GRAMD2B: variants seen among roughly 807,000 people sequenced by gnomAD.
GRAMD2B encodes GRAM domain containing 2B, also known as GRAM domain-containing protein 2B.
In GRAMD2B, 41 loss-of-function variants were observed where a neutral mutation model predicts 59.2. The ratio of observed to expected loss-of-function variants is 0.69; its 90% CI spans 0.54 to 0.90. GRAMD2B has a LOEUF of 0.90. Ranked by LOEUF, GRAMD2B falls within the 40% of genes least tolerant of loss-of-function variation. The pLI is 0.00. For missense variants in GRAMD2B, 424 were observed against 500.5 expected (o/e 0.85, Z 1.46); for synonymous variants, 161 against 182.7 (o/e 0.88, Z 0.96).
intron 1 of GRAMD2B, among the ~76,000 whole-genome samples, chr5:126,397,907 T>G (rs1266190276): frequency 1.3e-5 from 2 of 152,154 alleles, no homozygotes; most frequent in Admixed American, 1.3e-4. Context: ...GTGTTCCCTC[T>G]TCTATTTTTT....
intron 1 of GRAMD2B, among the ~76,000 whole-genome samples, chr5:126,435,299 CTGTTT>C (rs1762227456): frequency 6.6e-6 from 1 of 152,146 alleles, no homozygotes; most frequent in Non-Finnish European, 1.5e-5. Context: ...ATTAGAGGCG[CTGTTT>C]GAAGCGAGGT....
intron 5 of GRAMD2B, among the ~76,000 whole-genome samples, chr5:126,474,408 CA>C (rs1473366353): frequency 4.3e-4 from 66 of 152,276 alleles, no homozygotes; most frequent in African/African-American, 1.5e-3. Context: ...TTAGGTAAAA[CA>C]TATTCTTTTT....
upstream of GRAMD2B, among the ~76,000 whole-genome samples, chr5:126,367,432 T>TGAGGA (rs752542158): frequency 7.1e-6 from 1 of 140,682 alleles, no homozygotes; most frequent in African/African-American, 2.7e-5. Context: ...CTGTAAAAAC[T>TGAGGA]GGAGGAGGAG....
intron 8 of GRAMD2B, among the ~76,000 whole-genome samples, chr5:126,481,415 C>G (rs1472653206): frequency 6.6e-6 from 1 of 152,072 alleles, no homozygotes; most frequent in Non-Finnish European, 1.5e-5. Context: ...TCCAACCATA[C>G]CATTCAAATG....
chr5:126,400,078 G>A (rs933141726), intron 1 of GRAMD2B, among the ~76,000 whole-genome samples: 2 of 149,702 alleles, frequency 1.3e-5, no homozygotes, highest in South Asian at 2.1e-4. Flanking sequence ...TTTTGATAGC[G>A]GTATGTTTTG....
chr5:126,436,278 A>G (rs989239067), intron 1 of GRAMD2B, among the ~76,000 whole-genome samples: 1 of 152,154 alleles, frequency 6.6e-6, no homozygotes, highest in South Asian at 2.1e-4. Context: ...TTTAATGCAC[A>G]TTTTTTGAGG....
intron 1 of GRAMD2B, among the ~76,000 whole-genome samples, chr5:126,391,502 C>A (rs932508036): frequency 6.6e-6 from 1 of 151,672 alleles, no homozygotes; most frequent in African/African-American, 2.4e-5. Flanking sequence ...ATATCCACAG[C>A]AGTATTATTT....
intron 1 of GRAMD2B, among the ~76,000 whole-genome samples, chr5:126,413,296 T>C (rs1370743902): frequency 2.6e-5 from 4 of 152,154 alleles, no homozygotes; most frequent in African/African-American, 9.7e-5. Flanking sequence ...GATTTTGGTA[T>C]GTTGTGTCTC....
chr5:126,481,703 C>T (rs1771871117), intron 8 of GRAMD2B, among the ~76,000 whole-genome samples: 1 of 152,172 alleles, frequency 6.6e-6, no homozygotes, highest in African/African-American at 2.4e-5. Context: ...CGCAGTGGCT[C>T]ACGCCTGTAA....
In GRAMD2B at chr5:126,465,414, T is replaced by C; in HGVS notation, c.84-12T>C. 6.2e-7 allele frequency: 1 copy of C among 1,614,130 alleles called. No individual in the cohort carries two copies. The highest frequency in any genetic ancestry group is 8.5e-7 in the Non-Finnish European group (1 of 1,180,014). On this transcript the variant is annotated splice_polypyrimidine_tract_variant and intron_variant, in intron 1 of 13. Transcript: ENST00000285689. ...GAATGTCTAAAGTGAAGCGGTTTCC[T>C]TTCTTCTTCAGCTCAGAGGCTGAGA...
At chr5:126,448,863 A>G (rs1031680941) in intron 1 of GRAMD2B, among the ~76,000 whole-genome samples, 3 of 152,176 alleles carry the variant, frequency 2.0e-5, no homozygotes, top group African/African-American at 7.2e-5. Context: ...TGAAATGTGG[A>G]TAACACCTGT....
rs570794962 is a variant in GRAMD2B, at chr5:126,431,891, GT to G, written c.83+8206del. On this transcript the variant is annotated intron_variant, in intron 1 of 13. Coordinates refer to ENST00000285689, the MANE Select transcript of GRAMD2B (RefSeq NM_023927.4). ...GTCTTGTCTCAGGCAATGAGATGAG[GT>G]TTTGACATGGCTCTTCTTCCCTAAT... Among the ~76,000 whole-genome samples, 17 of 152,258 alleles carry G rather than the reference GT, an allele frequency of 1.1e-4. No homozygotes were observed. In the South Asian group the frequency reaches 3.5e-3, roughly 32 times the overall value.
upstream of GRAMD2B, among the ~76,000 whole-genome samples, chr5:126,420,970 A>G (rs1759669203): frequency 6.6e-6 from 1 of 152,248 alleles, no homozygotes; most frequent in Admixed American, 6.5e-5. Flanking sequence ...ACTGAGTGAA[A>G]CAAGCCAGAC....
intron 1 of GRAMD2B, among the ~76,000 whole-genome samples, chr5:126,391,744 C>A (rs1311745873): frequency 1.3e-5 from 2 of 152,056 alleles, no homozygotes; most frequent in African/African-American, 2.4e-5. Context: ...CCAGGGACTG[C>A]AGGGAAGGAA....
At position 126,481,202 on chromosome 5, in the gene GRAMD2B, AAAAAGAAAGAAAGAAAGAAAGAAAGAAAG is replaced by A. The variant is rs1480167377; in HGVS notation, c.735+499_735+527del. Among the ~76,000 whole-genome samples, 7 of 74,890 alleles carry A rather than the reference AAAAAGAAAGAAAGAAAGAAAGAAAGAAAG, an allele frequency of 9.3e-5. 1 individual carries two copies. Among genetic ancestry groups the A allele is most frequent in the African/African-American group, 3.2e-4 (7 of 22,084 alleles). The allele number at this position is 74,890 out of a possible 152,430, so 49.1% of individuals were successfully genotyped here. A position where few individuals can be genotyped will look rare whatever the true frequency, so the allele number is the denominator to read the frequency against. ...CTCAGAATTAACTGTAAAAAAAAAA[AAAAAGAAAGAAAGAAAGAAAGAAAGAAAG>A]AAAGAAAGAAAGAAAGAAAAGAAAA... On this transcript the variant is annotated intron_variant, in intron 8 of 13. Transcript: ENST00000285689.
At chr5:126,443,897 CA>C (rs1000143458) in intron 1 of GRAMD2B, among the ~76,000 whole-genome samples, 13 of 151,866 alleles carry the variant, frequency 8.6e-5, no homozygotes, top group African/African-American at 3.1e-4. Flanking sequence ...TAAAAAATAC[CA>C]AAAATTAGCT....
chr5:126,449,075 C>T (rs62391856), intron 1 of GRAMD2B, among the ~76,000 whole-genome samples: 36,664 of 152,050 alleles, frequency 0.24, 4,445 homozygotes, highest in Middle Eastern at 0.35. Flanking sequence ...CAAAGCGATG[C>T]GTTTCAAGTC....
chr5:126,420,884 A>C (rs1255441060), upstream of GRAMD2B, among the ~76,000 whole-genome samples: 3 of 152,222 alleles, frequency 2.0e-5, no homozygotes, highest in Non-Finnish European at 4.4e-5. Flanking sequence ...ATATACATGC[A>C]ATGGAATATC....
chr5:126,386,252 T>C (rs1485647998), intron 1 of GRAMD2B, among the ~76,000 whole-genome samples: 1 of 152,220 alleles, frequency 6.6e-6, no homozygotes, highest in Non-Finnish European at 1.5e-5. Flanking sequence ...ACCCAGGATC[T>C]GTCTGCTGAT....
Sources: allele counts gnomAD v4.1 joint callset (sites outside exome capture counted in the v4.1 genomes callset), GRCh38; gene constraint gnomAD v4.1.1; transcripts MANE v1.5; gene names NCBI Gene and HGNC (gene_info 2026-07-23, HGNC 2026-07-21).